The following LDLRAD3 variants were observed in gnomAD, a reference collection of about 807,000 sequenced individuals.
The protein encoded by LDLRAD3 is low density lipoprotein receptor class A domain containing 3, also known as low-density lipoprotein receptor class A domain-containing protein 3.
In LDLRAD3, 20 loss-of-function variants were observed where a neutral mutation model predicts 29.4. That is an observed-to-expected ratio of 0.68 (90% CI 0.48 to 0.99). The LOEUF (loss-of-function observed/expected upper bound fraction) is 0.99, where lower values mean the gene tolerates loss of function less well. LDLRAD3 is among the 50% of genes least tolerant of loss of function. LDLRAD3 has a pLI of 0.00. For missense variants in LDLRAD3, 420 were observed against 454.3 expected, an observed-to-expected ratio of 0.92 and a Z score of 0.69; for synonymous variants, 157 against 192.7, an observed-to-expected ratio of 0.81 and a Z score of 1.53.
chr11:36,226,852 G>A (rs1259755564), intron 4 of LDLRAD3, among the ~76,000 whole-genome samples: 1 of 152,224 alleles, frequency 6.6e-6, no homozygotes, highest in South Asian at 2.1e-4. Flanking sequence ...GCAGTAGCAT[G>A]TATCAGTATT....
In LDLRAD3 at chr11:36,036,171, A is replaced by T. The variant is rs758813639; in HGVS notation, c.115A>T (p.Asn39Tyr). 1.2e-6 allele frequency: 2 copies of T among 1,614,046 alleles called. No homozygotes were observed. Among genetic ancestry groups the T allele is most frequent in the Non-Finnish European group, 8.5e-7 (1 of 1,180,016 alleles). Residue 39 changes from asparagine (N) to tyrosine (Y), a missense_variant, in exon 2 of 6, where the codon AAT (asparagine) becomes TAT (tyrosine). Transcript: ENST00000315571. Reference protein sequence around the residue: ...CNIPGNFMCSNGRCIPGAWQC... With the variant: ...CNIPGNFMCSYGRCIPGAWQC... The stretch of plus-strand genomic sequence containing the variant: ...CATACCAGGCAACTTCATGTGCAGC[A>T]ATGGACGGTGCATCCCGGGCGCCTG...
At chr11:35,962,149 GTCT>G (rs1470564705) in intron 1 of LDLRAD3, among the ~76,000 whole-genome samples, 2 of 152,018 alleles carry the variant, frequency 1.3e-5, no homozygotes, top group African/African-American at 4.8e-5. Flanking sequence ...TCTTCCCTCT[GTCT>G]TCTTGGTCTT....
chr11:36,227,267 C>T lies in LDLRAD3; in HGVS notation c.637C>T (p.His213Tyr), dbSNP rs762813324. Reference protein sequence around the residue: ...LMTLPVHRLQHPVLLSRLVVL... With the variant: ...LMTLPVHRLQYPVLLSRLVVL... ...GACGCTGCCCGTGCACCGGCTGCAG[C>T]ACCCTGTGCTGCTGTCCCGCCTGGT... is the stretch of plus-strand genomic sequence containing the variant. The change falls in exon 5 of 6, where the codon CAC (histidine) becomes TAC (tyrosine). Residue 213 changes from histidine to tyrosine, a missense_variant. By Grantham distance (83) the His-to-Tyr change is moderately conservative. This residue lies in a region of LDLRAD3 where 56 missense variants were observed against 92.2 expected (regional missense o/e 0.61). Coordinates refer to ENST00000315571, the MANE Select transcript of LDLRAD3 (RefSeq NM_174902.4). 6.2e-7 allele frequency: 1 copy of T among 1,614,106 alleles called. No homozygotes were observed. The highest frequency in any genetic ancestry group is 2.2e-5 in the East Asian group (1 of 44,876).
At chr11:35,960,769 G>A (rs1043736875) in intron 1 of LDLRAD3, among the ~76,000 whole-genome samples, 22 of 152,264 alleles carry the variant, frequency 1.4e-4, no homozygotes, top group African/African-American at 5.3e-4. Context: ...GCTAATTTTT[G>A]TATTTTTAGT....
intron 3 of LDLRAD3, among the ~76,000 whole-genome samples, chr11:36,096,298 C>T (rs1266166713): frequency 2.6e-5 from 4 of 152,210 alleles, no homozygotes; most frequent in Non-Finnish European, 4.4e-5. Context: ...AACACCTCAG[C>T]GAAGCACAGG....
chr11:36,119,915 T>G (rs1483800963), intron 4 of LDLRAD3, among the ~76,000 whole-genome samples: 2 of 152,228 alleles, frequency 1.3e-5, no homozygotes, highest in Non-Finnish European at 2.9e-5. Flanking sequence ...TAATTCAAAG[T>G]GCCAGAGATT....
chr11:36,212,273 A>G (rs1194894777), intron 4 of LDLRAD3, among the ~76,000 whole-genome samples: 2 of 152,008 alleles, frequency 1.3e-5, no homozygotes, highest in South Asian at 2.1e-4. Context: ...GCATGAGCTC[A>G]TTACCAAGTC....
In LDLRAD3 at chr11:36,146,980, G is replaced by T. The variant is rs543493164; in HGVS notation, c.454+48519G>T. 2.9e-4 allele frequency among the ~76,000 whole-genome samples: 44 copies of T among 151,632 alleles called. 1 individual carries two copies. The East Asian group carries it at 7.0e-3, about 24-fold the overall frequency. Reference sequence around the variant, plus strand: ...AATTTTTGTATTTTTAGTAGAGACAGGGTTTCACCGTGTTAGTCAGGCTGG... The same window carrying T: ...AATTTTTGTATTTTTAGTAGAGACATGGTTTCACCGTGTTAGTCAGGCTGG... On this transcript the variant is annotated intron_variant, in intron 4 of 5. Coordinates refer to ENST00000315571, the MANE Select transcript of LDLRAD3 (RefSeq NM_174902.4).
chr11:36,062,939 G>A lies in LDLRAD3; in HGVS notation c.194-18714G>A, dbSNP rs116060810. 3.7e-3 allele frequency among the ~76,000 whole-genome samples: 567 copies of A among 152,314 alleles called. 5 individuals carry two copies. Among genetic ancestry groups the A allele is most frequent in the African/African-American group, 0.013 (535 of 41,566 alleles). On this transcript the variant is annotated intron_variant, in intron 2 of 5. Transcript: ENST00000315571. ...ACTAAAACTAGCTTTGTATAGCAGG[G>A]AAGAAATGTAACAATGTGTAAGAAA...
At chr11:36,025,326 A>G (rs928078205) in intron 1 of LDLRAD3, among the ~76,000 whole-genome samples, 1 of 152,070 alleles carries the variant, frequency 6.6e-6, no homozygotes, top group African/African-American at 2.4e-5. Context: ...GAATAGCACA[A>G]ATCCCGCTGT....
intron 2 of LDLRAD3, among the ~76,000 whole-genome samples, chr11:36,071,861 C>A (rs1852909654): frequency 6.6e-6 from 1 of 152,196 alleles, no homozygotes; most frequent in African/African-American, 2.4e-5. Context: ...TGCATTTTAA[C>A]AAGGTCCTGG....
chr11:36,018,275 T>G (rs894312757), intron 1 of LDLRAD3, among the ~76,000 whole-genome samples: 1 of 152,226 alleles, frequency 6.6e-6, no homozygotes, highest in Non-Finnish European at 1.5e-5. Context: ...TTGTTCTTGC[T>G]TCAGTTTTAG....
intron 4 of LDLRAD3, among the ~76,000 whole-genome samples, chr11:36,221,404 G>C (rs1265998560): frequency 6.6e-6 from 1 of 151,370 alleles, no homozygotes; most frequent in Non-Finnish European, 1.5e-5. Context: ...GGCATTGGAA[G>C]CTGTCCTCAG....
intron 2 of LDLRAD3, among the ~76,000 whole-genome samples, chr11:36,040,436 C>T (rs1445951354): frequency 6.6e-6 from 1 of 152,020 alleles, no homozygotes; most frequent in African/African-American, 2.4e-5. Flanking sequence ...CCAGTGTAAT[C>T]GCCAGGGGTG....
intron 1 of LDLRAD3, among the ~76,000 whole-genome samples, chr11:36,026,325 G>T (rs1427976299): frequency 1.3e-5 from 2 of 152,104 alleles, no homozygotes; most frequent in African/African-American, 4.8e-5. Flanking sequence ...TGAACATTTA[G>T]TTTGTCTTAC....
At chr11:36,098,740 G>A (rs1853402125) in intron 4 of LDLRAD3, among the ~76,000 whole-genome samples, 1 of 152,190 alleles carries the variant, frequency 6.6e-6, no homozygotes, top group Admixed American at 6.5e-5. Flanking sequence ...GTTACATACT[G>A]TCATGTTACT....
At chr11:36,170,277 T>C (rs973494366) in intron 4 of LDLRAD3, among the ~76,000 whole-genome samples, 2 of 147,244 alleles carry the variant, frequency 1.4e-5, no homozygotes, top group African/African-American at 5.0e-5. Flanking sequence ...TATACACATA[T>C]ATGTACATAT....
intron 2 of LDLRAD3, among the ~76,000 whole-genome samples, chr11:36,048,367 C>T (rs1402591739): frequency 2.0e-5 from 3 of 152,088 alleles, no homozygotes; most frequent in African/African-American, 7.2e-5. Flanking sequence ...ACAATGCTGT[C>T]GAGTTCCCAT....
chr11:35,971,576 A>C (rs1291075122), intron 1 of LDLRAD3, among the ~76,000 whole-genome samples: 1 of 152,202 alleles, frequency 6.6e-6, no homozygotes, highest in Non-Finnish European at 1.5e-5. Flanking sequence ...CTGCAAGCCA[A>C]GGAGAATTCT....
Sources: gnomAD v4.1 joint callset for allele counts (sites outside exome capture counted in the v4.1 genomes callset) on GRCh38, gnomAD v4.1.1 for gene constraint, gnomAD v4.1.1 regional missense constraint, MANE v1.5 for transcripts, NCBI Gene and HGNC (gene_info 2026-07-23, HGNC 2026-07-21) for gene names.